Variants in RBFOX1 observed in about 807,000 individuals in gnomAD.
RBFOX1 encodes the protein RNA binding fox-1 homolog 1, also known as RNA binding protein fox-1 homolog 1.
A neutral mutation model predicts 57.7 loss-of-function variants in RBFOX1; 8 were observed. That is an observed-to-expected ratio of 0.14 (90% CI 0.08 to 0.25). The LOEUF is 0.25. Among genes scored for constraint, RBFOX1 ranks in the 10% least tolerant of loss-of-function variants. RBFOX1 has a pLI of 1.00. For synonymous variants in RBFOX1, 326 were observed against 222.4 expected (o/e 1.47, Z -4.15); for missense variants, 611 against 548.5 (o/e 1.11, Z -1.14).
At chr16:5,840,120 C>G (rs2056580567) in intron 3 of RBFOX1, among the ~76,000 whole-genome samples, 1 of 152,190 alleles carries the variant, frequency 6.6e-6, no homozygotes, top group African/African-American at 2.4e-5. Context: ...TTCTCTGCAT[C>G]CAAAGTCAGC....
At chr16:6,147,660 A>G (rs2096768757) in intron 1 of RBFOX1, among the ~76,000 whole-genome samples, 1 of 152,170 alleles carries the variant, frequency 6.6e-6, no homozygotes, top group African/African-American at 2.4e-5. Context: ...GAAAAAAACA[A>G]GGAATGGAAG....
intron 11 of RBFOX1, among the ~76,000 whole-genome samples, chr16:7,652,061 G>C (rs1447483665): frequency 6.6e-6 from 1 of 151,930 alleles, no homozygotes; most frequent in East Asian, 1.9e-4. Flanking sequence ...TGGTTATCAG[G>C]GGACAGGGGT....
chr16:5,347,556 C>T (rs771570122), intron 1 of RBFOX1, among the ~76,000 whole-genome samples: 12 of 152,028 alleles, frequency 7.9e-5, no homozygotes, highest in African/African-American at 1.2e-4. Context: ...ATCCACCTAC[C>T]GACTCATCCT....
intron 4 of RBFOX1, among the ~76,000 whole-genome samples, chr16:7,429,789 A>T (rs947108371): frequency 1.3e-5 from 2 of 152,196 alleles, no homozygotes; most frequent in South Asian, 4.1e-4. Flanking sequence ...CATAGACCCT[A>T]TTATTTCCCT....
chr16:7,123,505 C>T (rs2067686765), intron 4 of RBFOX1, among the ~76,000 whole-genome samples: 2 of 152,072 alleles, frequency 1.3e-5, no homozygotes, highest in Non-Finnish European at 2.9e-5. Context: ...GCTGAGACTA[C>T]AGGTGCACCT....
intron 1 of RBFOX1, among the ~76,000 whole-genome samples, chr16:5,444,914 A>C (rs757628230): frequency 2.0e-5 from 3 of 152,218 alleles, no homozygotes; most frequent in Non-Finnish European, 4.4e-5. Context: ...GCAGCCAATG[A>C]AAGTGAGCTT....
intron 2 of RBFOX1, among the ~76,000 whole-genome samples, chr16:6,493,609 T>G (rs865857215): frequency 1.3e-5 from 2 of 152,200 alleles, no homozygotes; most frequent in African/African-American, 4.8e-5. Context: ...TACTATATAT[T>G]TATGAAAACA....
intron 5 of RBFOX1, among the ~76,000 whole-genome samples, chr16:7,554,548 A>G (rs1187394521): frequency 1.3e-5 from 2 of 152,180 alleles, no homozygotes; most frequent in Non-Finnish European, 2.9e-5. Flanking sequence ...TCTGCTTCCT[A>G]TCAGAAATGT....
At chr16:6,484,389 C>G (rs1208621341) in intron 2 of RBFOX1, among the ~76,000 whole-genome samples, 1 of 152,086 alleles carries the variant, frequency 6.6e-6, no homozygotes, top group East Asian at 1.9e-4. Flanking sequence ...TGCCTGTTTC[C>G]CATGGAAGAG....
intron 3 of RBFOX1, among the ~76,000 whole-genome samples, chr16:6,712,047 C>G (rs1017312177): frequency 4.6e-5 from 7 of 152,254 alleles, no homozygotes; most frequent in Admixed American, 6.5e-5. Flanking sequence ...ATGGTAAAGT[C>G]CATCAGGAAA....
chr16:5,303,191 C>A (rs777646731), intron 1 of RBFOX1, among the ~76,000 whole-genome samples: 48 of 152,312 alleles, frequency 3.2e-4, no homozygotes, highest in Admixed American at 7.2e-4. Context: ...GTCTTTACTG[C>A]AGTGGATGCC....
chr16:7,110,322 C>G (rs904285671), intron 4 of RBFOX1, among the ~76,000 whole-genome samples: 3 of 152,044 alleles, frequency 2.0e-5, no homozygotes, highest in Non-Finnish European at 2.9e-5. Context: ...GATCATGCCA[C>G]TGCACTCCAG....
rs2093210807 is a variant in RBFOX1 at position 7,575,209 on chromosome 16, A to C, written c.271-4568A>C. On this transcript the variant is annotated intron_variant, in intron 5 of 15. Transcript: ENST00000550418. Reference sequence around the variant, plus strand: ...GAGTGCAGTGGCACGATCTCGGCTCATTGTAACCTCTGCCTCCTGGATTCA... The same window carrying C: ...GAGTGCAGTGGCACGATCTCGGCTCCTTGTAACCTCTGCCTCCTGGATTCA... Among the ~76,000 whole-genome samples, 4 of 151,946 alleles carry C rather than the reference A, an allele frequency of 2.6e-5. No individual in the cohort carries two copies. In the South Asian group the frequency reaches 8.3e-4, roughly 32 times the overall value.
chr16:6,210,367 A>C, intron 1 of RBFOX1, among the ~76,000 whole-genome samples: 1 of 136,432 alleles, frequency 7.3e-6, no homozygotes, highest in Non-Finnish European at 1.7e-5. Context: ...ACACCAAAAA[A>C]AAAAAAAAAA....
intron 4 of RBFOX1, among the ~76,000 whole-genome samples, chr16:7,381,201 T>G (rs528777404): frequency 6.6e-6 from 1 of 152,176 alleles, no homozygotes; most frequent in Non-Finnish European, 1.5e-5. Context: ...ATCTCAGGGC[T>G]TCCATCAAAG....
chr16:7,362,189 GTT>G (rs1491203285), intron 4 of RBFOX1, among the ~76,000 whole-genome samples: 9 of 143,426 alleles, frequency 6.3e-5, no homozygotes, highest in East Asian at 2.0e-4. Flanking sequence ...GTGTGTGTGT[GTT>G]TGTGTATGAT....
chr16:7,035,256 C>G (rs1280575446), intron 3 of RBFOX1, among the ~76,000 whole-genome samples: 2 of 152,062 alleles, frequency 1.3e-5, no homozygotes, highest in African/African-American at 2.4e-5. Flanking sequence ...GAGAACTGTA[C>G]TTGGGATTCC....
chr16:5,676,971 A>T (rs903428030), intron 3 of RBFOX1, among the ~76,000 whole-genome samples: 1 of 152,240 alleles, frequency 6.6e-6, no homozygotes, highest in Non-Finnish European at 1.5e-5. Flanking sequence ...GGTAGCAAGT[A>T]TGACTCTCTG....
intron 1 of RBFOX1, chr16:6,092,864 C>T (rs1177031194): frequency 6.6e-6 from 1 of 152,158 alleles, no homozygotes; most frequent in African/African-American, 2.4e-5. Context: ...ATTGCCTTGA[C>T]TATTCAGGCT....
Sources: gnomAD v4.1 joint callset for allele counts (sites outside exome capture counted in the v4.1 genomes callset) on GRCh38, gnomAD v4.1.1 for gene constraint, MANE v1.5 for transcripts, NCBI Gene and HGNC (gene_info 2026-07-23, HGNC 2026-07-21) for gene names.